Variants in SEMA6A observed in about 807,000 individuals in gnomAD.
The protein encoded by SEMA6A is semaphorin-6A.
Under a neutral mutation model 96.8 loss-of-function variants are expected in SEMA6A, and 25 were observed. The observed-to-expected ratio is 0.26, with a 90% confidence interval of 0.19 to 0.36. The LOEUF (loss-of-function observed/expected upper bound fraction) is 0.36. Ranked by LOEUF, SEMA6A falls within the 10% of genes least tolerant of loss-of-function variation. SEMA6A has a pLI of 1.00. For missense variants in SEMA6A, 1,363 were observed against 1,323.1 expected (o/e 1.03, Z -0.47); for synonymous variants, 612 against 518.0 (o/e 1.18, Z -2.46).
At chr5:116,504,033 A>G (rs894166420) in intron 2 of SEMA6A, among the ~76,000 whole-genome samples, 1 of 152,192 alleles carries the variant, frequency 6.6e-6, no homozygotes, top group Non-Finnish European at 1.5e-5. Context: ...CCAACCCAGA[A>G]AGAACAGCTG....
chr5:116,482,429 A>C lies in SEMA6A; in HGVS notation c.1094+15T>G. ...TTCTAAAGTTTAAAATAGCCATATG[A>C]ATATTTGCACATACCTGGGCTTAGG... On this transcript the variant is annotated intron_variant, in intron 11 of 18. Coordinates refer to ENST00000343348, the MANE Select transcript of SEMA6A (RefSeq NM_020796.5). The C allele has an allele frequency of 1.9e-6, 3 of 1,610,390 alleles. No homozygotes were observed.
chr5:116,532,551 C>T (rs528241297), intron 1 of SEMA6A, among the ~76,000 whole-genome samples: 1 of 152,146 alleles, frequency 6.6e-6, no homozygotes, highest in Non-Finnish European at 1.5e-5. Flanking sequence ...TCCCTCCCCC[C>T]CAGTCCTGAA....
At chr5:116,493,881 A>G (rs896810373) in intron 6 of SEMA6A, among the ~76,000 whole-genome samples, 1 of 152,144 alleles carries the variant, frequency 6.6e-6, no homozygotes, top group Non-Finnish European at 1.5e-5. Flanking sequence ...TTCATGTCCT[A>G]TAGGCAGTGC....
At chr5:116,448,654 C>T (rs1754428981) in intron 18 of SEMA6A, among the ~76,000 whole-genome samples, 1 of 146,266 alleles carries the variant, frequency 6.8e-6, no homozygotes, top group East Asian at 2.0e-4. Flanking sequence ...GCCTTTTAAG[C>T]AACTAGAGGA....
intron 1 of SEMA6A, among the ~76,000 whole-genome samples, chr5:116,569,425 G>C (rs1055060379): frequency 9.2e-5 from 14 of 152,142 alleles, no homozygotes; most frequent in African/African-American, 3.4e-4. Flanking sequence ...AGATCATGTG[G>C]GGCTGCAAAG....
At chr5:116,569,089 C>T (rs1369945761) in intron 1 of SEMA6A, among the ~76,000 whole-genome samples, 1 of 152,056 alleles carries the variant, frequency 6.6e-6, no homozygotes, top group Non-Finnish European at 1.5e-5. Context: ...GCATTATGTT[C>T]TAGTGGAAGA....
At chr5:116,559,341 T>C (rs141121707) in intron 1 of SEMA6A, among the ~76,000 whole-genome samples, 1 of 152,212 alleles carries the variant, frequency 6.6e-6, no homozygotes, top group East Asian at 1.9e-4. Flanking sequence ...GTCGCCCAGA[T>C]AGCAGAAGCA....
chr5:116,542,964 C>T (rs1343819134), intron 1 of SEMA6A, among the ~76,000 whole-genome samples: 1 of 152,064 alleles, frequency 6.6e-6, no homozygotes, highest in Non-Finnish European at 1.5e-5. Context: ...CATTATTTTC[C>T]ATTTGCAACA....
At chr5:116,548,519 T>C (rs1760276768) in intron 1 of SEMA6A, among the ~76,000 whole-genome samples, 3 of 152,220 alleles carry the variant, frequency 2.0e-5, no homozygotes, top group African/African-American at 4.8e-5. Context: ...TCTCAACTTA[T>C]GGTGTATAAA....
chr5:116,520,512 TA>T (rs994644898), intron 1 of SEMA6A, among the ~76,000 whole-genome samples: 1 of 151,928 alleles, frequency 6.6e-6, no homozygotes, highest in African/African-American at 2.4e-5. Flanking sequence ...GAAAAATCAG[TA>T]CTAAAACAAG....
chr5:116,462,622 G>T (rs1167074101), intron 18 of SEMA6A, among the ~76,000 whole-genome samples: 2 of 152,134 alleles, frequency 1.3e-5, no homozygotes, highest in African/African-American at 4.8e-5. Flanking sequence ...AGGTAGCAAA[G>T]AAATCAGAAG....
At chr5:116,464,683 G>A (rs551386725) in intron 18 of SEMA6A, among the ~76,000 whole-genome samples, 1 of 152,290 alleles carries the variant, frequency 6.6e-6, no homozygotes, top group East Asian at 1.9e-4. Context: ...GCTGCAAGGT[G>A]AGGAAGGGTG....
At chr5:116,556,903 TTA>T (rs1760630814) in intron 1 of SEMA6A, among the ~76,000 whole-genome samples, 1 of 152,204 alleles carries the variant, frequency 6.6e-6, no homozygotes, top group Non-Finnish European at 1.5e-5. Flanking sequence ...AATGCCATCA[TTA>T]TACATGCAAA....
chr5:116,494,691 C>T (rs573905271), intron 6 of SEMA6A, among the ~76,000 whole-genome samples: 2 of 152,324 alleles, frequency 1.3e-5, no homozygotes, highest in East Asian at 1.9e-4. Context: ...GTCTTTACAA[C>T]CTCAGCGATG....
intron 5 of SEMA6A, 75 bp from the exon 6 acceptor site, chr5:116,495,589 T>A (rs1199921182): frequency 1.3e-5 from 14 of 1,105,778 alleles, no homozygotes; most frequent in Non-Finnish European, 1.7e-5. Context: ...ATGCCATGGT[T>A]GGCTGACAGT....
intron 1 of SEMA6A, among the ~76,000 whole-genome samples, chr5:116,536,896 C>CAAAAAAAAAAAAAAAAAAAAAAAA (rs1344678482): frequency 2.2e-4 from 18 of 80,102 alleles, no homozygotes; most frequent in Non-Finnish European, 3.1e-4. Flanking sequence ...AAAAAAAAAG[C>CAAAAAAAAAAAAAAAAAAAAAAAA]AAAACTGGTG....
intron 18 of SEMA6A, among the ~76,000 whole-genome samples, chr5:116,459,341 ATATATGT>A (rs1401691287): frequency 6.6e-6 from 1 of 152,154 alleles, no homozygotes; most frequent in Non-Finnish European, 1.5e-5. Flanking sequence ...ACAATTTATT[ATATATGT>A]ATCACCTGTC....
intron 18 of SEMA6A, among the ~76,000 whole-genome samples, chr5:116,454,510 A>C (rs1454367946): frequency 6.6e-6 from 1 of 152,186 alleles, no homozygotes; most frequent in Non-Finnish European, 1.5e-5. Context: ...TCGCCCCGCT[A>C]ACCACACAGG....
chr5:116,565,061 T>C (rs1308112608), intron 1 of SEMA6A, among the ~76,000 whole-genome samples: 1 of 152,254 alleles, frequency 6.6e-6, no homozygotes, highest in Non-Finnish European at 1.5e-5. Flanking sequence ...TGAATAGTCT[T>C]AATGAAGAGT....
Sources: allele counts gnomAD v4.1 joint callset (sites outside exome capture counted in the v4.1 genomes callset), GRCh38; gene constraint gnomAD v4.1.1; transcripts MANE v1.5; gene names NCBI Gene and HGNC (gene_info 2026-07-23, HGNC 2026-07-21).